Variants in ANK2 observed in about 807,000 individuals in gnomAD.
ANK2 encodes the protein ankyrin 2.
ANK2 carries 83 observed loss-of-function variants against 360.5 expected under a neutral mutation model. The observed-to-expected ratio is 0.23, with a 90% CI of 0.19 to 0.28. The LOEUF is 0.28. ANK2 is among the 10% of genes least tolerant of loss of function. ANK2 has a pLI of 1.00. For missense variants in ANK2, 4,201 were observed against 4,795.7 expected, an observed-to-expected ratio of 0.88 and a Z score of 3.66; for synonymous variants, 1,740 against 1,759.5, an observed-to-expected ratio of 0.99 and a Z score of 0.28.
At chr4:113,269,600 T>A (rs1242094889) in intron 14 of ANK2, among the ~76,000 whole-genome samples, 1 of 152,246 alleles carries the variant, frequency 6.6e-6, no homozygotes, top group Non-Finnish European at 1.5e-5. Flanking sequence ...CTCCATGGGC[T>A]GCACCCACTG....
At chr4:112,979,439 C>G (rs2042432614) in intron 2 of ANK2, among the ~76,000 whole-genome samples, 1 of 152,318 alleles carries the variant, frequency 6.6e-6, no homozygotes, top group East Asian at 1.9e-4. Flanking sequence ...TCGGAGAGCC[C>G]CTAGGTCTGG....
intron 2 of ANK2, among the ~76,000 whole-genome samples, chr4:113,003,388 T>A (rs1218981552): frequency 6.6e-6 from 1 of 152,124 alleles, no homozygotes; most frequent in Non-Finnish European, 1.5e-5. Flanking sequence ...TTCTTTTTTT[T>A]GAACTAGACA....
chr4:112,777,575 C>G, the ANK2 span, among the ~76,000 whole-genome samples: 5 of 148,542 alleles, frequency 3.4e-5, no homozygotes, highest in African/African-American at 1.2e-4. Flanking sequence ...AATAAAGATA[C>G]TGAAAAATAT....
chr4:112,758,115 G>A, the ANK2 span, among the ~76,000 whole-genome samples: 2 of 151,606 alleles, frequency 1.3e-5, no homozygotes, highest in Non-Finnish European at 2.9e-5. Context: ...TTTCCATGTT[G>A]GTCACTCAGG....
At chr4:113,163,668 G>A (rs2097634297) in intron 1 of ANK2, among the ~76,000 whole-genome samples, 1 of 150,328 alleles carries the variant, frequency 6.7e-6, no homozygotes, top group South Asian at 2.1e-4. Context: ...ACAGGCTGAG[G>A]CAGGAGAATC....
At chr4:112,915,650 A>G (rs1026594992) in intron 2 of ANK2, among the ~76,000 whole-genome samples, 57 of 151,978 alleles carry the variant, frequency 3.8e-4, no homozygotes, top group African/African-American at 1.3e-3. Flanking sequence ...AGCTATTTGG[A>G]AGGCTGAGGT....
At chr4:113,338,699 A>G (rs1230495992) in intron 31 of ANK2, among the ~76,000 whole-genome samples, 3 of 151,518 alleles carry the variant, frequency 2.0e-5, no homozygotes, top group African/African-American at 7.3e-5. Context: ...ACAGGTGCCC[A>G]CCACTATGCC....
intron 1 of ANK2, among the ~76,000 whole-genome samples, chr4:113,143,915 T>C (rs576048804): frequency 2.0e-5 from 3 of 152,212 alleles, no homozygotes; most frequent in Non-Finnish European, 4.4e-5. Context: ...TATAAAATTA[T>C]TCAGGAAACA....
intron 1 of ANK2, among the ~76,000 whole-genome samples, chr4:112,820,081 A>G (rs973344065): frequency 5.9e-5 from 9 of 152,196 alleles, no homozygotes; most frequent in Non-Finnish European, 8.8e-5. Context: ...ATACCCATTT[A>G]TGGGGGTTTT....
intron 2 of ANK2, among the ~76,000 whole-genome samples, chr4:112,931,837 G>A (rs1343542592): frequency 5.3e-5 from 8 of 152,026 alleles, no homozygotes; most frequent in African/African-American, 1.9e-4. Flanking sequence ...ATTTTAAACA[G>A]GTAGAGTTAA....
intron 1 of ANK2, among the ~76,000 whole-genome samples, chr4:113,096,714 T>C (rs1254188292): frequency 1.3e-5 from 2 of 152,096 alleles, no homozygotes; most frequent in African/African-American, 2.4e-5. Context: ...ATTATTATTA[T>C]TGTTGTTATC....
chr4:112,778,017 T>A, the ANK2 span, among the ~76,000 whole-genome samples: 3 of 152,034 alleles, frequency 2.0e-5, no homozygotes, highest in East Asian at 5.8e-4. Context: ...TCATGCAGGC[T>A]GGAGTGCAAT....
At chr4:113,378,158 A>G in intron 45 of ANK2, 1 of 1,275,452 alleles carries the variant, frequency 7.8e-7, no homozygotes, top group Non-Finnish European at 1.0e-6. Context: ...AAATCCTGAA[A>G]GAGGATGGAT....
rs554080465 is a variant in ANK2 at position 113,265,860 on chromosome 4, T to A, written c.1485+865T>A. Among the ~76,000 whole-genome samples the A allele has an allele frequency of 2.6e-5, 4 of 152,354 alleles. No homozygotes were observed. The South Asian group carries it at 8.3e-4, about 32-fold the overall frequency. On this transcript the variant is annotated intron_variant, in intron 14 of 45. Coordinates refer to ENST00000357077, the MANE Select transcript of ANK2 (RefSeq NM_001148.6). ...TTAGAGCTCATTTCAGTTTGAGTTG[T>A]ACCATTATAATACAGTGTTATCTTG...
chr4:112,731,378 A>G, the ANK2 span, among the ~76,000 whole-genome samples: 1 of 152,046 alleles, frequency 6.6e-6, no homozygotes, highest in Non-Finnish European at 1.5e-5. Context: ...GTATACACAT[A>G]TATCAAAACA....
intron 2 of ANK2, among the ~76,000 whole-genome samples, chr4:112,946,349 G>C (rs1369104514): frequency 6.6e-6 from 1 of 152,190 alleles, no homozygotes. Flanking sequence ...GATGCTGTTA[G>C]CCTGCCGCCT....
At chr4:113,036,196 G>T (rs1340086666) in intron 2 of ANK2, among the ~76,000 whole-genome samples, 1 of 151,074 alleles carries the variant, frequency 6.6e-6, no homozygotes, top group African/African-American at 2.4e-5. Context: ...AACTCTCTTT[G>T]AGTCATTTTT....
chr4:112,738,402 G>C, the ANK2 span, among the ~76,000 whole-genome samples: 3 of 137,516 alleles, frequency 2.2e-5, no homozygotes, highest in East Asian at 6.5e-4. Context: ...ACAAGAGTGA[G>C]AGTCTGTCTC....
At chr4:113,227,093 G>A (rs2099233020) in intron 4 of ANK2, among the ~76,000 whole-genome samples, 1 of 152,146 alleles carries the variant, frequency 6.6e-6, no homozygotes, top group Admixed American at 6.6e-5. Flanking sequence ...GTTTACAGTG[G>A]TGTTAAAGTG....
Sources: allele counts gnomAD v4.1 joint callset (sites outside exome capture counted in the v4.1 genomes callset), GRCh38; gene constraint gnomAD v4.1.1; transcripts MANE v1.5; gene names NCBI Gene and HGNC (gene_info 2026-07-23, HGNC 2026-07-21).